Variants in FAM9A observed in about 807,000 individuals in gnomAD.
The protein encoded by FAM9A is family with sequence similarity 9 member A, also known as protein FAM9A.
Under a neutral mutation model 25.0 loss-of-function variants are expected in FAM9A, and 49 were observed. The ratio of observed to expected loss-of-function variants is 1.96; its 90% CI spans 1.56 to 2.48. FAM9A has a LOEUF of 2.48. Ranked by LOEUF, FAM9A falls within the 30% of genes most tolerant of loss-of-function variation. The pLI is 0.00. For missense variants in FAM9A, 266 were observed against 249.3 expected, an observed-to-expected ratio of 1.07 and a Z score of -0.45; for synonymous variants, 80 against 85.1, an observed-to-expected ratio of 0.94 and a Z score of 0.33.
intron 7 of FAM9A, among the ~76,000 whole-genome samples, chrX:8,794,405 C>T (rs920694107): frequency 1.2e-4 from 14 of 112,015 alleles, no homozygotes; most frequent in African/African-American, 4.2e-4. Context: ...ATAACTCTGA[C>T]ATAAGTTCTC....
intron 5 of FAM9A, 34 bp from the exon 6 acceptor site, chrX:8,796,416 T>G: frequency 1.0e-6 from 1 of 965,113 alleles, no homozygotes; most frequent in Non-Finnish European, 1.5e-6. Context: ...TAAAAGTTAA[T>G]GTTGAAAAGT....
intron 2 of FAM9A, 67 bp from the exon 3 acceptor site, chrX:8,799,161 G>A: frequency 9.4e-7 from 1 of 1,069,034 alleles, no homozygotes; most frequent in Non-Finnish European, 1.3e-6. Flanking sequence ...GAGCCAACGG[G>A]ATCTCGGATT....
chrX:8,798,619 C>T, intron 3 of FAM9A, 140 bp from the exon 4 acceptor site: 1 of 1,049,060 alleles, frequency 9.5e-7, no homozygotes, highest in Non-Finnish European at 1.3e-6. Flanking sequence ...CATGGAATCA[C>T]TGGGCTCCGG....
rs780858680 is a variant in FAM9A at position 8,791,137 on chromosome X, G to T, written c.*67C>A. On this transcript the variant is annotated 3_prime_UTR_variant, in exon 10 of 10. Transcript: ENST00000381003. ...TTCTTCAGTCATCAGAATAACAGAG[G>T]TTGAAGAGACAATGAAGTGCCAACT... 9.8e-6 allele frequency: 4 copies of T among 408,379 alleles called. No individual in the cohort carries two copies. In the South Asian group the frequency reaches 2.0e-4, roughly 20 times the overall value. The allele number at this position is 408,379 out of a possible 1,213,427, so 33.7% of individuals were successfully genotyped here.
chrX:8,796,975 A>C, intron 5 of FAM9A, among the ~76,000 whole-genome samples: 1 of 112,562 alleles, frequency 8.9e-6, no homozygotes, highest in East Asian at 2.8e-4. Context: ...AGCTTTTTAT[A>C]TGACATTTTT....
intron 8 of FAM9A, among the ~76,000 whole-genome samples, chrX:8,792,312 G>A (rs749834949): frequency 1.7e-3 from 190 of 110,775 alleles, no homozygotes; most frequent in Middle Eastern, 9.4e-3. Flanking sequence ...AGGAAGGGGA[G>A]GGTTTTAGGA....
Position 8,795,425 on chromosome X carries a change from A to T in FAM9A, c.489-5T>A. On this transcript the variant is annotated splice_polypyrimidine_tract_variant and splice_region_variant and intron_variant, in intron 6 of 9. Transcript: ENST00000381003. ...TGTCTATAATCACGTTTCTGCCTGTAACACATAATAAGTAATACGGTCATA... is the reference window on the plus strand; with the variant it reads ...TGTCTATAATCACGTTTCTGCCTGTTACACATAATAAGTAATACGGTCATA... The T allele has an allele frequency of 8.5e-7, 1 of 1,180,187 alleles. No homozygotes were observed. The highest frequency in any genetic ancestry group is 1.1e-6 in the Non-Finnish European group (1 of 875,967).
rs1159425058 is a variant in FAM9A at position 8,799,047 on chromosome X, C to T, written c.139G>A (p.Val47Met). 4 of 1,212,341 alleles carry T rather than the reference C, an allele frequency of 3.3e-6. No homozygotes were observed. The Admixed American group carries it at 6.5e-5, about 20-fold the overall frequency. Residue 47 changes from valine to methionine, a missense_variant, in exon 3 of 10, where the codon GTG becomes ATG. By Grantham distance (21) the Val-to-Met change is conservative. Coordinates refer to ENST00000381003, the MANE Select transcript of FAM9A (RefSeq NM_174951.3). ...NFPGQPTMEP[V>M]GRKRSRKAAK... ...GCCTTCCTGCTGCGCTTCCTGCCCA[C>T]GGGCTCCATGGTTGGCTGTCCTGGG...
chrX:8,795,485 A>G (rs1352712741), intron 6 of FAM9A, 65 bp from the exon 7 acceptor site: 1 of 936,089 alleles, frequency 1.1e-6, no homozygotes, highest in Non-Finnish European at 1.5e-6. Context: ...TCCTATTCAA[A>G]CCAAAACTGA....
intron 4 of FAM9A, 49 bp from the exon 5 acceptor site, chrX:8,798,230 C>T: frequency 1.7e-6 from 2 of 1,201,176 alleles, no homozygotes; most frequent in Non-Finnish European, 2.2e-6. Context: ...ACACAAAATG[C>T]CATGTTTGTT....
Position 8,800,273 on chromosome X carries a change from C to A in FAM9A, c.-38-64G>T, listed in dbSNP as rs1003896853. On this transcript the variant is annotated intron_variant, in intron 1 of 9. Coordinates refer to ENST00000381003, the MANE Select transcript of FAM9A (RefSeq NM_174951.3). ...ACAGGATATGTGAAAGGAGAGCCAA[C>A]GGGATCTCGGATTCAAGAAAGGGTG... 4.3e-5 allele frequency: 42 copies of A among 984,314 alleles called. No homozygotes were observed. The Middle Eastern group carries it at 1.5e-3, about 34-fold the overall frequency. The allele number at this position is 984,314 out of a possible 1,213,427, so 81.1% of individuals were successfully genotyped here.
At chrX:8,793,874 TA>T (rs1375323994) in intron 7 of FAM9A, 118 bp from the exon 8 acceptor site, 1 of 484,747 alleles carries the variant, frequency 2.1e-6, no homozygotes, top group African/African-American at 2.4e-5. Context: ...CACTTTCTTT[TA>T]AACAATGTTT....
intron 1 of FAM9A, among the ~76,000 whole-genome samples, chrX:8,800,833 C>T (rs1182400382): frequency 4.0e-5 from 3 of 74,254 alleles, no homozygotes; most frequent in Non-Finnish European, 5.2e-5. Context: ...CCCGACCCTC[C>T]ACCCTCTGCC....
chrX:8,796,501 A>G (rs1435355021), intron 5 of FAM9A, 119 bp from the exon 6 acceptor site: 1 of 485,132 alleles, frequency 2.1e-6, no homozygotes, highest in East Asian at 3.8e-5. Context: ...TACATTGTAA[A>G]ATACAAAGAT....
chrX:8,798,266 T>C (rs186153255), intron 4 of FAM9A, 85 bp from the exon 5 acceptor site: 25 of 1,202,130 alleles, frequency 2.1e-5, no homozygotes, highest in Non-Finnish European at 2.7e-5. Context: ...ATGTGAAATG[T>C]TCCGCATAGA....
Position 8,799,088 on chromosome X carries a change from C to G in FAM9A, c.98G>C (p.Gly33Ala), listed in dbSNP as rs373467378. The change falls in exon 3 of 10, where the codon GGG becomes GCG. Residue 33 changes from glycine to alanine, a missense_variant. Gly to Ala is a moderately conservative substitution (Grantham distance 60, BLOSUM62 0). Coordinates refer to ENST00000381003, the MANE Select transcript of FAM9A (RefSeq NM_174951.3). Reference sequence around the variant, plus strand: ...CTGTCCTGGGAAGTTAGAGGCGATCCCTGAACCTGGTTGAGTGCAAAGTCA... The same window carrying G: ...CTGTCCTGGGAAGTTAGAGGCGATCGCTGAACCTGGTTGAGTGCAAAGTCA... ...AAQGATKEGS[G>A]IASNFPGQPT... 26 of 1,207,931 alleles carry G rather than the reference C, an allele frequency of 2.2e-5. No individual in the cohort carries two copies. The highest frequency in any genetic ancestry group is 2.9e-5 in the Non-Finnish European group (26 of 892,917).
chrX:8,793,876 A>G, intron 7 of FAM9A, 120 bp from the exon 8 acceptor site: 1 of 480,310 alleles, frequency 2.1e-6, no homozygotes, highest in Non-Finnish European at 3.5e-6. Context: ...CTTTCTTTTA[A>G]ACAATGTTTA....
intron 8 of FAM9A, 71 bp downstream of exon 8, chrX:8,793,583 CGGAA>C (rs1302450662): frequency 1.3e-5 from 11 of 869,285 alleles, no homozygotes; most frequent in Admixed American, 2.6e-5. Flanking sequence ...TCCATACATT[CGGAA>C]ACAAACAGAC....
In FAM9A at chrX:8,795,104, C is replaced by A. The variant is rs750519492; in HGVS notation, c.805G>T (p.Glu269Ter). The stretch of plus-strand genomic sequence containing the variant: ...ATTTGTTCTTCCTCTTCCTCTTCTT[C>A]TTCTTCCTCTTCCTCTTCTTCTGTT... Reference protein sequence around the residue: ...EETEEEEEEEEEEEEEEQIKA... With the variant: ...EETEEEEEEE The change falls in exon 7 of 10, where the codon GAA (glutamate) becomes TAA (stop). Residue 269 changes from glutamate to a stop codon, truncating the protein, a stop_gained. Transcript: ENST00000381003. LOFTEE classifies it high-confidence loss of function. The A allele has an allele frequency of 8.6e-7, 1 of 1,158,005 alleles. No homozygotes were observed. The highest frequency in any genetic ancestry group is 3.0e-5 in the East Asian group (1 of 33,445).
Sources: gnomAD v4.1 joint callset for allele counts (sites outside exome capture counted in the v4.1 genomes callset) on GRCh38, gnomAD v4.1.1 for gene constraint, MANE v1.5 for transcripts, NCBI Gene and HGNC (gene_info 2026-07-23, HGNC 2026-07-21) for gene names.